Variants in CTNNA3 observed in about 807,000 individuals in gnomAD.
CTNNA3 encodes catenin alpha-3.
In CTNNA3, 76 loss-of-function variants were observed where a neutral mutation model predicts 95.7. The observed-to-expected ratio is 0.79, with a 90% confidence interval of 0.66 to 0.96. The LOEUF (loss-of-function observed/expected upper bound fraction) is 0.96, where lower values mean the gene tolerates loss of function less well. Among genes scored for constraint, CTNNA3 ranks in the 40% least tolerant of loss-of-function variants. The pLI, the probability that CTNNA3 is intolerant of heterozygous loss-of-function variation, is 0.00. For synonymous variants in CTNNA3, 431 were observed against 374.4 expected (o/e 1.15, Z -1.74); for missense variants, 1,191 against 1,089.8 (o/e 1.09, Z -1.31).
At chr10:67,548,861 A>G (rs1367604334) in intron 3 of CTNNA3, among the ~76,000 whole-genome samples, 1 of 152,056 alleles carries the variant, frequency 6.6e-6, no homozygotes, top group Non-Finnish European at 1.5e-5. Context: ...CCTATATCCA[A>G]TAAGGGGCTT....
chr10:66,302,184 G>A (rs1564850948), intron 12 of CTNNA3, among the ~76,000 whole-genome samples: 3 of 152,112 alleles, frequency 2.0e-5, no homozygotes, highest in Non-Finnish European at 4.4e-5. Flanking sequence ...CTACATAAAT[G>A]GAGAGTGAGT....
chr10:67,307,615 A>C (rs2132516188), intron 5 of CTNNA3, among the ~76,000 whole-genome samples: 1 of 152,296 alleles, frequency 6.6e-6, no homozygotes, highest in East Asian at 1.9e-4. Flanking sequence ...TTATTTGAAG[A>C]CTATCCTTGA....
At chr10:66,768,339 G>A (rs912742956) in intron 8 of CTNNA3, among the ~76,000 whole-genome samples, 3 of 152,114 alleles carry the variant, frequency 2.0e-5, no homozygotes, top group African/African-American at 7.2e-5. Context: ...TAACTCAAGC[G>A]GAGAGTGTGG....
chr10:66,593,866 T>G (rs928921002), intron 10 of CTNNA3, among the ~76,000 whole-genome samples: 4 of 152,144 alleles, frequency 2.6e-5, no homozygotes, highest in African/African-American at 9.7e-5. Flanking sequence ...ACTCCTTCCC[T>G]GATAGCTGAA....
At chr10:66,334,948 T>C (rs1411813744) in intron 12 of CTNNA3, among the ~76,000 whole-genome samples, 2 of 152,102 alleles carry the variant, frequency 1.3e-5, no homozygotes, top group Non-Finnish European at 2.9e-5. Context: ...CTTTTTTCTG[T>C]AAACTTCTCT....
At chr10:66,860,742 T>C (rs1366924266) in intron 7 of CTNNA3, among the ~76,000 whole-genome samples, 1 of 152,224 alleles carries the variant, frequency 6.6e-6, no homozygotes, top group Non-Finnish European at 1.5e-5. Context: ...TTGTTTACAC[T>C]GAGAGTACAT....
chr10:66,869,509 G>A (rs1373970929), intron 7 of CTNNA3, among the ~76,000 whole-genome samples: 1 of 152,044 alleles, frequency 6.6e-6, no homozygotes, highest in African/African-American at 2.4e-5. Context: ...GGAGGCGGAG[G>A]TTGCAGTGAG....
intron 5 of CTNNA3, among the ~76,000 whole-genome samples, chr10:67,395,291 AT>A (rs1564622716): frequency 1.3e-5 from 2 of 152,194 alleles, no homozygotes; most frequent in Non-Finnish European, 1.5e-5. Context: ...GGAGAAATTG[AT>A]GAGAAAAAAC....
chr10:67,560,259 G>A (rs1841453299), intron 3 of CTNNA3, among the ~76,000 whole-genome samples: 1 of 151,546 alleles, frequency 6.6e-6, no homozygotes, highest in Non-Finnish European at 1.5e-5. Context: ...TACCCACAAA[G>A]GGAAGCCCAG....
chr10:66,658,560 G>C (rs1846148021), intron 9 of CTNNA3, among the ~76,000 whole-genome samples: 1 of 152,168 alleles, frequency 6.6e-6, no homozygotes, highest in South Asian at 2.1e-4. Context: ...AAGCCAATGA[G>C]TGAGGCTACC....
Position 66,170,241 on chromosome 10 carries a change from CTTT to C in CTNNA3, c.1885-66995_1885-66993del, listed in dbSNP as rs57644952. On this transcript the variant is annotated intron_variant, in intron 13 of 17. Coordinates refer to ENST00000433211, the MANE Select transcript of CTNNA3 (RefSeq NM_013266.4). ...CCAGTTGCATTCTCCTCCTCATTGT[CTTT>C]TTTTTTTTTTTTTTTTTTTTTTAGA... is the stretch of plus-strand genomic sequence containing the variant. Among the ~76,000 whole-genome samples the C allele has an allele frequency of 2.0e-4, 15 of 73,364 alleles. No individual in the cohort carries two copies. In the South Asian group the frequency reaches 6.7e-3, roughly 33 times the overall value. The allele number at this position is 73,364 out of a possible 152,430, so 48.1% of individuals were successfully genotyped here.
rs148255895 is a variant in CTNNA3, at chr10:66,944,799, T to C, written c.1048-169275A>G. 4.8e-4 allele frequency among the ~76,000 whole-genome samples: 73 copies of C among 152,318 alleles called. 1 individual carries two copies. The East Asian group carries it at 0.013, about 27-fold the overall frequency. On this transcript the variant is annotated intron_variant, in intron 7 of 17. Coordinates refer to ENST00000433211, the MANE Select transcript of CTNNA3 (RefSeq NM_013266.4). ...AGAATGGATGCTTTGTTAGCAGGCA[T>C]GAAAACAACATTAATCTCCATGTAT...
chr10:66,431,464 C>G (rs1334898460), intron 11 of CTNNA3, among the ~76,000 whole-genome samples: 1 of 152,032 alleles, frequency 6.6e-6, no homozygotes, highest in East Asian at 1.9e-4. Flanking sequence ...TATTGTGGCA[C>G]TATTCACAAT....
At chr10:66,833,035 A>T (rs1842774229) in intron 7 of CTNNA3, among the ~76,000 whole-genome samples, 1 of 152,120 alleles carries the variant, frequency 6.6e-6, no homozygotes, top group South Asian at 2.1e-4. Context: ...GATTATTTTT[A>T]CTCTAAAAGA....
intron 7 of CTNNA3, among the ~76,000 whole-genome samples, chr10:66,953,656 C>A (rs1848649982): frequency 6.6e-6 from 1 of 152,080 alleles, no homozygotes; most frequent in African/African-American, 2.4e-5. Context: ...TAGAGAATTT[C>A]ATCTATTTTC....
At chr10:67,201,621 T>G (rs1167171218) in intron 6 of CTNNA3, among the ~76,000 whole-genome samples, 1 of 152,200 alleles carries the variant, frequency 6.6e-6, no homozygotes, top group African/African-American at 2.4e-5. Context: ...GCTGAGATTT[T>G]TGTTAACATA....
intron 15 of CTNNA3, among the ~76,000 whole-genome samples, chr10:66,025,744 A>T (rs763751569): frequency 1.3e-5 from 2 of 152,178 alleles, no homozygotes; most frequent in Non-Finnish European, 2.9e-5. Flanking sequence ...CAGCAATGAG[A>T]TATATCAAGC....
rs575075757 is a variant in CTNNA3 at position 66,181,126 on chromosome 10, C to T, written c.1885-77877G>A. The stretch of plus-strand genomic sequence containing the variant: ...TGAGTACAAAAGCAAAGTAAAAAGT[C>T]ATTTAGACTTATGTGGACTTCAAAA... On this transcript the variant is annotated intron_variant, in intron 13 of 17. Coordinates refer to ENST00000433211, the MANE Select transcript of CTNNA3 (RefSeq NM_013266.4). Among the ~76,000 whole-genome samples the T allele has an allele frequency of 1.2e-4, 19 of 152,140 alleles. 1 individual carries two copies. The South Asian group carries it at 3.1e-3, about 25-fold the overall frequency.
At chr10:66,850,233 C>T (rs10997407) in intron 7 of CTNNA3, among the ~76,000 whole-genome samples, 87,744 of 151,958 alleles carry the variant, frequency 0.58, 26,363 homozygotes, top group Non-Finnish European at 0.63. Flanking sequence ...TGTTTTAAAT[C>T]TTTATCTTAT....
Sources: gnomAD v4.1 joint callset for allele counts (sites outside exome capture counted in the v4.1 genomes callset) on GRCh38, gnomAD v4.1.1 for gene constraint, MANE v1.5 for transcripts, NCBI Gene and HGNC (gene_info 2026-07-23, HGNC 2026-07-21) for gene names.